Variants in STON2 observed in about 807,000 individuals in gnomAD.
STON2 encodes stonin 2, also known as stonin-2.
Under a neutral mutation model 65.7 loss-of-function variants are expected in STON2, and 29 were observed. The observed-to-expected ratio is 0.44, with a 90% CI of 0.33 to 0.60. STON2 has a LOEUF of 0.60. STON2 is among the 20% of genes least tolerant of loss of function. The probability of loss-of-function intolerance (pLI) is 0.03; values close to 1 mark genes in which losing one functional copy is unlikely to be tolerated. For missense variants in STON2, 1,054 were observed against 1,118.1 expected, an observed-to-expected ratio of 0.94 and a Z score of 0.82; for synonymous variants, 404 against 414.2, an observed-to-expected ratio of 0.98 and a Z score of 0.30.
intron 3 of STON2, among the ~76,000 whole-genome samples, chr14:81,384,022 T>C (rs1017605074): frequency 6.6e-6 from 1 of 152,116 alleles, no homozygotes; most frequent in Admixed American, 6.6e-5. Flanking sequence ...TCAAGGGCTA[T>C]TCACTTGCTG....
intron 6 of STON2, among the ~76,000 whole-genome samples, chr14:81,276,041 A>G (rs1466312958): frequency 3.3e-5 from 5 of 152,236 alleles, no homozygotes; most frequent in Non-Finnish European, 5.9e-5. Flanking sequence ...GAAGGGGTTT[A>G]ATGGCTTACA....
intron 2 of STON2, among the ~76,000 whole-genome samples, chr14:81,421,082 G>C (rs1186931137): frequency 6.6e-6 from 1 of 152,176 alleles, no homozygotes; most frequent in Non-Finnish European, 1.5e-5. Context: ...GTTAGAAATA[G>C]GTCAGGGGGC....
At chr14:81,337,134 C>T (rs867384974) in intron 4 of STON2, among the ~76,000 whole-genome samples, 2 of 152,192 alleles carry the variant, frequency 1.3e-5, no homozygotes, top group African/African-American at 4.8e-5. Context: ...CTGATTAAAA[C>T]AGAAGTCAAG....
chr14:81,392,208 C>T (rs1286330027), intron 3 of STON2, among the ~76,000 whole-genome samples: 1 of 152,156 alleles, frequency 6.6e-6, no homozygotes. Flanking sequence ...GTGAGACAGC[C>T]AGAGGGGAGG....
chr14:81,417,224 C>T (rs1453699577), intron 2 of STON2, among the ~76,000 whole-genome samples: 2 of 152,146 alleles, frequency 1.3e-5, no homozygotes, highest in East Asian at 1.9e-4. Context: ...TCACACAATG[C>T]GACAAAAACC....
chr14:81,360,839 T>G (rs562730803), intron 4 of STON2, among the ~76,000 whole-genome samples: 2 of 152,104 alleles, frequency 1.3e-5, no homozygotes, highest in African/African-American at 4.8e-5. Flanking sequence ...GGACACAAAA[T>G]CAACACACAA....
chr14:81,430,292 T>C (rs777451034), intron 1 of STON2, among the ~76,000 whole-genome samples: 1 of 152,200 alleles, frequency 6.6e-6, no homozygotes, highest in Non-Finnish European at 1.5e-5. Context: ...ATTATGTCTT[T>C]TCTCTCTCAG....
chr14:81,325,292 C>G lies in STON2; in HGVS notation c.572-1105G>C, dbSNP rs981133115. On this transcript the variant is annotated intron_variant, in intron 4 of 7. Coordinates refer to ENST00000614646, the MANE Select transcript of STON2 (RefSeq NM_001394390.1). The stretch of plus-strand genomic sequence containing the variant: ...AAATGTACTATATAGGTTTCTCTAC[C>G]GTAGCTTCTCATAGCCTTTTGTATG... Among the ~76,000 whole-genome samples, 4 of 152,234 alleles carry G rather than the reference C, an allele frequency of 2.6e-5. No individual in the cohort carries two copies. The South Asian group carries it at 8.3e-4, about 32-fold the overall frequency.
intron 3 of STON2, among the ~76,000 whole-genome samples, chr14:81,378,430 G>C (rs1781904165): frequency 1.3e-5 from 2 of 150,420 alleles, no homozygotes; most frequent in South Asian, 2.1e-4. Flanking sequence ...TTCCCGGGCT[G>C]GTCTCAAACT....
chr14:81,387,043 G>C (rs1209478187), intron 3 of STON2, among the ~76,000 whole-genome samples: 1 of 152,138 alleles, frequency 6.6e-6, no homozygotes, highest in African/African-American at 2.4e-5. Context: ...AGATAGTCAG[G>C]AACACTATTG....
chr14:81,366,878 A>G (rs1048180842), intron 4 of STON2, among the ~76,000 whole-genome samples: 1 of 152,118 alleles, frequency 6.6e-6, no homozygotes, highest in Non-Finnish European at 1.5e-5. Flanking sequence ...AAACACCTTC[A>G]TATATACCCT....
At chr14:81,340,396 G>A (rs958565528) in intron 4 of STON2, among the ~76,000 whole-genome samples, 1 of 152,192 alleles carries the variant, frequency 6.6e-6, no homozygotes, top group Non-Finnish European at 1.5e-5. Context: ...GACTTCACAG[G>A]TGGGTACATG....
chr14:81,321,260 G>A (rs1896811015), intron 5 of STON2, among the ~76,000 whole-genome samples: 1 of 152,010 alleles, frequency 6.6e-6, no homozygotes, highest in South Asian at 2.1e-4. Context: ...GCCAGGCGTG[G>A]TGGCTCATGC....
intron 3 of STON2, among the ~76,000 whole-genome samples, chr14:81,378,885 C>T (rs1454409365): frequency 6.6e-6 from 1 of 152,106 alleles, no homozygotes; most frequent in African/African-American, 2.4e-5. Flanking sequence ...AGTCTTTATT[C>T]ATGGTAGTAA....
At chr14:81,433,459 C>T (rs1309738372) in intron 1 of STON2, among the ~76,000 whole-genome samples, 1 of 152,206 alleles carries the variant, frequency 6.6e-6, no homozygotes, top group African/African-American at 2.4e-5. Flanking sequence ...CCCTGGCACC[C>T]GACCCAGGGT....
Position 81,277,845 on chromosome 14 carries a change from T to G in STON2, c.1637A>C (p.Asn546Thr). ...CHEISEPRLQ[N>T]YDENGRIHSL... is the part of the protein sequence containing the mutation. ...GTGGATTCTGCCATTCTCATCATAG[T>G]TTTGAAGCCGGGGTTCTGAAATCTC... The change falls in exon 6 of 8, where the codon AAC becomes ACC. Residue 546 changes from asparagine (N) to threonine (T), a missense_variant. Asn to Thr is a moderately conservative substitution (Grantham distance 65, BLOSUM62 0). Transcript: ENST00000614646. 1 of 1,614,168 alleles carries G rather than the reference T, an allele frequency of 6.2e-7. No homozygotes were observed. Among genetic ancestry groups the G allele is most frequent in the Non-Finnish European group, 8.5e-7 (1 of 1,180,024 alleles).
chr14:81,309,640 C>T (rs1430551976), intron 5 of STON2, among the ~76,000 whole-genome samples: 1 of 152,158 alleles, frequency 6.6e-6, no homozygotes, highest in Non-Finnish European at 1.5e-5. Context: ...ATGTATGTAG[C>T]TCAGGAATCT....
intron 5 of STON2, among the ~76,000 whole-genome samples, chr14:81,298,894 G>A (rs1287692275): frequency 6.6e-6 from 1 of 152,076 alleles, no homozygotes; most frequent in East Asian, 1.9e-4. Context: ...TAATTATATA[G>A]AATTTTAAAA....
At chr14:81,427,585 C>T (rs968686917) in intron 1 of STON2, among the ~76,000 whole-genome samples, 2 of 152,062 alleles carry the variant, frequency 1.3e-5, no homozygotes, top group African/African-American at 4.8e-5. Flanking sequence ...GCAGACAGCA[C>T]AGCCCCGCCT....
Sources: allele counts gnomAD v4.1 joint callset (sites outside exome capture counted in the v4.1 genomes callset), GRCh38; gene constraint gnomAD v4.1.1; transcripts MANE v1.5; gene names NCBI Gene and HGNC (gene_info 2026-07-23, HGNC 2026-07-21).